The following RIIAD1 variants were observed in gnomAD, a reference collection of about 807,000 sequenced individuals.
RIIAD1 encodes the protein RIIa domain-containing protein 1.
A neutral mutation model predicts 13.3 loss-of-function variants in RIIAD1; 15 were observed. The observed-to-expected ratio is 1.13, with a 90% CI of 0.76 to 1.74. The LOEUF (loss-of-function observed/expected upper bound fraction) is 1.74. RIIAD1 is among the 40% of genes most tolerant of loss of function. The probability of loss-of-function intolerance (pLI) is 0.00; values close to 1 mark genes in which losing one functional copy is unlikely to be tolerated. For synonymous variants in RIIAD1, 50 were observed against 43.3 expected (o/e 1.16, Z -0.61); for missense variants, 121 against 112.2 (o/e 1.08, Z -0.35).
intron 2 of RIIAD1, among the ~76,000 whole-genome samples, chr1:151,724,486 T>C (rs909157570): frequency 2.6e-5 from 4 of 152,096 alleles, no homozygotes; most frequent in African/African-American, 9.7e-5. Context: ...GAGGGCAGAG[T>C]CCTGAGCACC....
chr1:151,720,440 G>A (rs535333228), upstream of RIIAD1, among the ~76,000 whole-genome samples: 1 of 152,236 alleles, frequency 6.6e-6, no homozygotes, highest in East Asian at 1.9e-4. Context: ...CAACCAAAAT[G>A]ATCACTAACC....
upstream of RIIAD1, chr1:151,719,714 A>C: frequency 1.4e-6 from 1 of 697,744 alleles, no homozygotes; most frequent in Non-Finnish European, 2.6e-6. Flanking sequence ...ACAATACATA[A>C]TAGTGAGTAC....
upstream of RIIAD1, chr1:151,716,916 G>A: frequency 2.6e-6 from 1 of 384,646 alleles, no homozygotes; most frequent in Non-Finnish European, 5.6e-6. Flanking sequence ...GCACAATCCA[G>A]GCACGAGCCA....
At chr1:151,716,539 G>A, upstream of RIIAD1, 2 of 329,782 alleles carry the variant, frequency 6.1e-6, no homozygotes, top group South Asian at 4.7e-5. Context: ...TTCCCTGGGA[G>A]GACACCTCCC....
At chr1:151,719,686 A>C (rs1571947252), upstream of RIIAD1, 1 of 702,746 alleles carries the variant, frequency 1.4e-6, no homozygotes. Flanking sequence ...CCTCAAGTGG[A>C]AGGTAAGACA....
intron 2 of RIIAD1, among the ~76,000 whole-genome samples, chr1:151,712,815 T>TA (rs201809621): frequency 7.9e-5 from 12 of 152,110 alleles, no homozygotes; most frequent in South Asian, 2.1e-4. Flanking sequence ...CTGATTTTTT[T>TA]AAAAAAACCT....
upstream of RIIAD1, chr1:151,719,722 T>C (rs540472533): frequency 2.2e-3 from 1,515 of 677,754 alleles, 31 homozygotes; most frequent in South Asian, 0.022. Flanking sequence ...TAATAGTGAG[T>C]ACTGAGACGC....
upstream of RIIAD1, chr1:151,716,875 C>T (rs980291538): frequency 2.3e-6 from 1 of 440,414 alleles, no homozygotes; most frequent in Non-Finnish European, 4.8e-6. Flanking sequence ...TCTCAGGGGT[C>T]GAATACAAAT....
Position 151,722,106 on chromosome 1 carries a change from C to A in RIIAD1, c.105C>A (p.Asn35Lys). Reference protein sequence around the residue: ...RKFKIQTRIANEKYLRTHKEV... With the variant: ...RKFKIQTRIAKEKYLRTHKEV... ...CCCAGATTCAGACTCGGATTGCTAA[C>A]GAAAAGTACCTAAGGACCCACAAAG... The change falls in exon 2 of 5, where the codon AAC becomes AAA. Residue 35 changes from asparagine (N) to lysine (K), a missense_variant. Physicochemically the swap from Asn to Lys is moderately conservative, Grantham distance 94. Coordinates refer to ENST00000479191, the MANE Select transcript of RIIAD1 (RefSeq NM_001144956.3). 1 of 1,551,066 alleles carries A rather than the reference C, an allele frequency of 6.4e-7. No individual in the cohort carries two copies. Among genetic ancestry groups the A allele is most frequent in the South Asian group, 1.2e-5 (1 of 84,044 alleles).
intron 2 of RIIAD1, among the ~76,000 whole-genome samples, chr1:151,724,103 C>T (rs1438783890): frequency 6.6e-6 from 1 of 152,194 alleles, no homozygotes; most frequent in Non-Finnish European, 1.5e-5. Context: ...GTTTCAGTCA[C>T]CTGTCAGAGA....
upstream of RIIAD1, among the ~76,000 whole-genome samples, chr1:151,717,885 C>T (rs1250561424): frequency 6.6e-6 from 1 of 152,154 alleles, no homozygotes; most frequent in East Asian, 1.9e-4. Context: ...GAGCGTGACC[C>T]CTCCATGCAC....
chr1:151,715,444 T>A (rs558627023), intron 4 of RIIAD1, among the ~76,000 whole-genome samples: 1 of 152,088 alleles, frequency 6.6e-6, no homozygotes, highest in Non-Finnish European at 1.5e-5. Flanking sequence ...GCTTTCCACA[T>A]TGAACACCTG....
chr1:151,716,859 T>C (rs1453994457), upstream of RIIAD1: 6 of 452,536 alleles, frequency 1.3e-5, no homozygotes, highest in East Asian at 7.3e-5. Flanking sequence ...ACATCAGTGA[T>C]GTCAGTCTCA....
chr1:151,714,057 C>G (rs1424782925), intron 3 of RIIAD1, among the ~76,000 whole-genome samples: 1 of 152,198 alleles, frequency 6.6e-6, no homozygotes, highest in African/African-American at 2.4e-5. Flanking sequence ...AGGCCCTGCT[C>G]TACCCTGATG....
chr1:151,723,105 G>T (rs1327024462), intron 2 of RIIAD1, among the ~76,000 whole-genome samples: 2 of 152,206 alleles, frequency 1.3e-5, no homozygotes, highest in Non-Finnish European at 1.5e-5. Flanking sequence ...CTTCTCAAAA[G>T]TTGGCGAGGT....
chr1:151,727,301 G>A (rs1182926215), intron 2 of RIIAD1, among the ~76,000 whole-genome samples: 1 of 152,120 alleles, frequency 6.6e-6, no homozygotes, highest in Non-Finnish European at 1.5e-5. Context: ...ATTGTTGACG[G>A]AATGACAAGC....
chr1:151,711,620 G>A (rs1021444734), intron 1 of RIIAD1, among the ~76,000 whole-genome samples: 3 of 152,262 alleles, frequency 2.0e-5, no homozygotes, highest in Non-Finnish European at 2.9e-5. Flanking sequence ...CAAGCAAAGC[G>A]TGTCGTGGGG....
upstream of RIIAD1, chr1:151,721,429 T>C: frequency 1.8e-6 from 1 of 556,662 alleles, no homozygotes; most frequent in Non-Finnish European, 2.7e-6. Context: ...CTCAGTTCCC[T>C]CAGCCCCTAG....
chr1:151,716,923 G>GAT, upstream of RIIAD1: 1 of 371,312 alleles, frequency 2.7e-6, no homozygotes, highest in Non-Finnish European at 5.8e-6. Flanking sequence ...CCAGGCACGA[G>GAT]CCACGCCCTC....
Sources: gnomAD v4.1 joint callset for allele counts (sites outside exome capture counted in the v4.1 genomes callset) on GRCh38, gnomAD v4.1.1 for gene constraint, MANE v1.5 for transcripts, NCBI Gene and HGNC (gene_info 2026-07-23, HGNC 2026-07-21) for gene names.